LINGO1: variants seen among roughly 807,000 people sequenced by gnomAD.
LINGO1 encodes leucine rich repeat and Ig domain containing 1, also known as leucine-rich repeat and immunoglobulin-like domain-containing nogo receptor-interacting protein 1.
A neutral mutation model predicts 37.3 loss-of-function variants in LINGO1; 11 were observed. That is an observed-to-expected ratio of 0.29 (90% CI 0.19 to 0.49). The LOEUF (loss-of-function observed/expected upper bound fraction) is 0.49. Among genes scored for constraint, LINGO1 ranks in the 20% least tolerant of loss-of-function variants. The probability of loss-of-function intolerance (pLI) is 0.99; values close to 1 mark genes in which losing one functional copy is unlikely to be tolerated. For synonymous variants in LINGO1, 387 were observed against 403.0 expected, an observed-to-expected ratio of 0.96 and a Z score of 0.48; for missense variants, 585 against 878.2, an observed-to-expected ratio of 0.67 and a Z score of 4.22.
At chr15:77,747,973 T>C (rs566120866) in intron 1 of LINGO1, among the ~76,000 whole-genome samples, 1 of 152,124 alleles carries the variant, frequency 6.6e-6, no homozygotes, top group African/African-American at 2.4e-5. Flanking sequence ...AGGGGTCAGG[T>C]GGTTGGCCAA....
chr15:77,736,859 G>A lies in LINGO1; in HGVS notation c.-256-1806C>T, dbSNP rs199771201. 5.3e-5 allele frequency among the ~76,000 whole-genome samples: 8 copies of A among 152,306 alleles called. No individual in the cohort carries two copies. In the East Asian group the frequency reaches 1.4e-3, roughly 26 times the overall value. On this transcript the variant is annotated intron_variant, in intron 1 of 3. Transcript: ENST00000561686. ...AGAGTAGAGTGGTGACCAGTAAGCC[G>A]CCTGAGTTTACAGCCAGGGCATAGT...
upstream of LINGO1, among the ~76,000 whole-genome samples, chr15:77,789,633 T>A (rs2076802855): frequency 6.6e-6 from 1 of 152,138 alleles, no homozygotes. Flanking sequence ...GATTAAATAG[T>A]TAAATATTGT....
chr15:77,728,171 C>A (rs983408421), intron 2 of LINGO1, among the ~76,000 whole-genome samples: 5 of 152,224 alleles, frequency 3.3e-5, no homozygotes, highest in Non-Finnish European at 7.3e-5. Flanking sequence ...GCCTCCTGGC[C>A]CGGCCAGGTC....
chr15:77,632,739 C>T lies in LINGO1; in HGVS notation c.-424G>A, dbSNP rs2074300802. Among the ~76,000 whole-genome samples the T allele has an allele frequency of 6.9e-6, 1 of 145,670 alleles. No individual in the cohort carries two copies. Among genetic ancestry groups the T allele is most frequent in the Non-Finnish European group, 1.5e-5 (1 of 65,640 alleles). On this transcript the variant is annotated 5_prime_UTR_variant, in exon 1 of 2. Coordinates refer to ENST00000355300, the MANE Select transcript of LINGO1 (RefSeq NM_032808.7). The surrounding 1 kb of genome is among the most constrained non-coding windows in gnomAD (Gnocchi z 6.0). ...GCGGCCGCGCATGCTGCTCGGCGCC[C>T]CGCGTCGGGAGAGGGGCCGGAGCGG...
intron 1 of LINGO1, among the ~76,000 whole-genome samples, chr15:77,786,122 C>G (rs2076768224): frequency 1.3e-5 from 2 of 152,128 alleles, no homozygotes; most frequent in African/African-American, 4.8e-5. Context: ...CCAGCACCAC[C>G]AAACAGTGCC....
intron 2 of LINGO1, among the ~76,000 whole-genome samples, chr15:77,707,192 G>A (rs781624898): frequency 1.6e-4 from 24 of 152,334 alleles, no homozygotes; most frequent in Admixed American, 3.3e-4. Flanking sequence ...GAGAGAGAGA[G>A]GGAGAAGAAA....
At chr15:77,665,285 C>A (rs968256267) in intron 3 of LINGO1, among the ~76,000 whole-genome samples, 10 of 152,202 alleles carry the variant, frequency 6.6e-5, no homozygotes, top group Admixed American at 6.5e-4. Context: ...TCCAGCCAGG[C>A]CTTTCCTGCC....
intron 2 of LINGO1, among the ~76,000 whole-genome samples, chr15:77,711,134 C>A (rs1376003985): frequency 6.6e-6 from 1 of 152,206 alleles, no homozygotes; most frequent in Non-Finnish European, 1.5e-5. Context: ...CCCTTCAAAA[C>A]CCAGCTCAAC....
At chr15:77,648,251 C>A in intron 3 of LINGO1, 1 of 242,864 alleles carries the variant, frequency 4.1e-6, no homozygotes, top group South Asian at 5.1e-5. Context: ...CTGTGCTAGA[C>A]ACTTCACATG....
chr15:77,717,188 A>G (rs2075994925), intron 2 of LINGO1, among the ~76,000 whole-genome samples: 1 of 150,728 alleles, frequency 6.6e-6, no homozygotes. Context: ...ATGAGGTTCC[A>G]GTTATTAGTT....
intron 1 of LINGO1, among the ~76,000 whole-genome samples, chr15:77,785,318 G>A (rs1041435250): frequency 6.6e-6 from 1 of 152,304 alleles, no homozygotes; most frequent in African/African-American, 2.4e-5. Context: ...GCGGCCCGCA[G>A]GCTGATCTCC....
chr15:77,650,462 C>T (rs2074735334), intron 3 of LINGO1, among the ~76,000 whole-genome samples: 1 of 152,200 alleles, frequency 6.6e-6, no homozygotes, highest in African/African-American at 2.4e-5. Flanking sequence ...CATAGCAACC[C>T]TGGGCATCCA....
chr15:77,641,772 GGC>G (rs2074512262), intron 3 of LINGO1: 1 of 441,566 alleles, frequency 2.3e-6, no homozygotes, highest in Non-Finnish European at 4.6e-6. Flanking sequence ...CCAGAAACGG[GGC>G]TGTGGCTGTC....
intron 3 of LINGO1, among the ~76,000 whole-genome samples, chr15:77,639,678 G>A (rs990982326): frequency 1.3e-5 from 2 of 152,162 alleles, no homozygotes; most frequent in Non-Finnish European, 2.9e-5. Context: ...ATCAGCATAG[G>A]TGATCTCATA....
chr15:77,664,346 C>T (rs2075081257), intron 3 of LINGO1, among the ~76,000 whole-genome samples: 1 of 152,152 alleles, frequency 6.6e-6, no homozygotes, highest in Admixed American at 6.5e-5. Context: ...ATGCTGGGGC[C>T]TGGCCTTGCC....
chr15:77,643,851 C>G (rs1049438594), intron 3 of LINGO1, among the ~76,000 whole-genome samples: 1 of 152,176 alleles, frequency 6.6e-6, no homozygotes, highest in African/African-American at 2.4e-5. Context: ...CAGGGGGTGA[C>G]AGCTGTAAAC....
intron 3 of LINGO1, among the ~76,000 whole-genome samples, chr15:77,673,522 C>T (rs2141210253): frequency 6.6e-6 from 1 of 152,286 alleles, no homozygotes; most frequent in African/African-American, 2.4e-5. Flanking sequence ...TGCATCTTGC[C>T]CTTGGCGTCC....
Position 77,613,755 on chromosome 15 carries a change from T to A in LINGO1, c.*289A>T, listed in dbSNP as rs1403255555. On this transcript the variant is annotated 3_prime_UTR_variant, in exon 2 of 2. Coordinates refer to ENST00000355300, the MANE Select transcript of LINGO1 (RefSeq NM_032808.7). ...AAGTTACAGAGAAAGTTCGTAACTT[T>A]TTTATTGAATTATTGACTCTGCCGC... 3 of 398,136 alleles carry A rather than the reference T, an allele frequency of 7.5e-6. No individual in the cohort carries two copies. In the East Asian group the frequency reaches 1.1e-4, roughly 15 times the overall value. 24.7% of individuals were successfully genotyped at this position (398,136 alleles called of 1,614,324 possible).
chr15:77,631,749 C>G (rs1007360326), intron 1 of LINGO1, among the ~76,000 whole-genome samples: 3 of 152,224 alleles, frequency 2.0e-5, no homozygotes, highest in Admixed American at 2.0e-4. Context: ...TCCCCAACTC[C>G]CTTCCTTCCA....
Sources: allele counts gnomAD v4.1 joint callset (sites outside exome capture counted in the v4.1 genomes callset), GRCh38; gene constraint gnomAD v4.1.1; non-coding constraint Gnocchi (gnomAD v3.1); transcripts MANE v1.5; gene names NCBI Gene and HGNC (gene_info 2026-07-23, HGNC 2026-07-21).